Variants in PLCB1 observed in about 807,000 individuals in gnomAD.
PLCB1 encodes 1-phosphatidylinositol 4,5-bisphosphate phosphodiesterase beta-1.
PLCB1 carries 46 observed loss-of-function variants against 161.8 expected under a neutral mutation model. The observed-to-expected ratio is 0.28, with a 90% CI of 0.22 to 0.36. The LOEUF (loss-of-function observed/expected upper bound fraction) is 0.36. Ranked by LOEUF, PLCB1 falls within the 10% of genes least tolerant of loss-of-function variation. The pLI is 1.00. For synonymous variants in PLCB1, 517 were observed against 503.7 expected (o/e 1.03, Z -0.35); for missense variants, 1,016 against 1,472.5 (o/e 0.69, Z 5.07).
At chr20:8,417,067 ATATATATTT>A (rs1374870000) in intron 3 of PLCB1, among the ~76,000 whole-genome samples, 14 of 95,818 alleles carry the variant, frequency 1.5e-4, no homozygotes, top group African/African-American at 5.4e-4. Context: ...ATATATATAT[ATATATATTT>A]TTTTTTTTTT....
intron 15 of PLCB1, among the ~76,000 whole-genome samples, chr20:8,722,978 C>T (rs1049308307): frequency 3.3e-5 from 5 of 152,114 alleles, no homozygotes; most frequent in African/African-American, 1.2e-4. Flanking sequence ...ATGATCACAC[C>T]ACTGTGCTCC....
At position 8,634,305 on chromosome 20, in the gene PLCB1, A is replaced by C. The variant is rs1988692911; in HGVS notation, c.384+5874A>C. ...CGCTCTCTAAAAATATGTTATATAA[A>C]GTGAACATTAGTCTTTAATGTTTGT... On this transcript the variant is annotated intron_variant, in intron 4 of 31. Transcript: ENST00000338037. 2.0e-5 allele frequency among the ~76,000 whole-genome samples: 3 copies of C among 152,238 alleles called. No individual in the cohort carries two copies. In the South Asian group the frequency reaches 6.2e-4, roughly 32 times the overall value.
At chr20:8,532,024 C>T (rs1337712888) in intron 3 of PLCB1, among the ~76,000 whole-genome samples, 1 of 151,386 alleles carries the variant, frequency 6.6e-6, no homozygotes, top group Non-Finnish European at 1.5e-5. Flanking sequence ...AACCTAATAC[C>T]CAAAGCTTAA....
At chr20:8,137,086 G>C (rs916818813) in intron 1 of PLCB1, among the ~76,000 whole-genome samples, 1 of 152,158 alleles carries the variant, frequency 6.6e-6, no homozygotes, top group Non-Finnish European at 1.5e-5. Context: ...ATCTGGATTT[G>C]AATCAAGTAA....
chr20:8,651,715 A>C (rs1248115497), intron 7 of PLCB1: 3 of 475,180 alleles, frequency 6.3e-6, no homozygotes, highest in Admixed American at 3.4e-5. Flanking sequence ...TAAGCATGCC[A>C]ACAAATGCGT....
At chr20:8,216,910 T>A (rs998539348) in intron 2 of PLCB1, among the ~76,000 whole-genome samples, 1 of 152,118 alleles carries the variant, frequency 6.6e-6, no homozygotes, top group African/African-American at 2.4e-5. Context: ...ACCCACTTCT[T>A]TGACATGCCA....
Position 8,628,448 on chromosome 20 carries a change from T to C in PLCB1, c.384+17T>C, listed in dbSNP as rs1242548488. ...GTGGCCAAGGTATGGTGGATGGAAA[T>C]TGCTAAAGCTTATCATCATGATCTG... On this transcript the variant is annotated intron_variant, in intron 4 of 31. Coordinates refer to ENST00000338037, the MANE Select transcript of PLCB1 (RefSeq NM_015192.4). 5 of 1,613,376 alleles carry C rather than the reference T, an allele frequency of 3.1e-6. No homozygotes were observed. The Admixed American group carries it at 8.3e-5, about 27-fold the overall frequency.
At chr20:8,593,663 T>G (rs1190556603) in intron 3 of PLCB1, among the ~76,000 whole-genome samples, 1 of 152,162 alleles carries the variant, frequency 6.6e-6, no homozygotes, top group Non-Finnish European at 1.5e-5. Context: ...TATTTTTATT[T>G]TTTTAATGGG....
intron 7 of PLCB1, among the ~76,000 whole-genome samples, chr20:8,654,406 C>CA: frequency 6.6e-6 from 1 of 152,138 alleles, no homozygotes; most frequent in South Asian, 2.1e-4. Flanking sequence ...AAACAGAAGA[C>CA]CCAAGGTCTG....
intron 3 of PLCB1, among the ~76,000 whole-genome samples, chr20:8,511,212 C>T (rs952036980): frequency 6.6e-6 from 1 of 152,034 alleles, no homozygotes; most frequent in African/African-American, 2.4e-5. Context: ...TAAGTGAAAT[C>T]ATAACAGTAT....
In PLCB1 at chr20:8,132,678, C is replaced by T. The variant is rs774138539; in HGVS notation, c.27C>T (p.His9=). 1.9e-6 allele frequency: 3 copies of T among 1,612,428 alleles called. No homozygotes were observed. The highest frequency in any genetic ancestry group is 1.1e-5 in the South Asian group (1 of 90,966). MAGAQPGV[H]ALQLKPVCVS... Reference sequence around the variant, plus strand: ...TGGCCGGGGCTCAACCCGGAGTGCACGCCTTGCAACTCAAGCCCGTGTGCG... The same window carrying T: ...TGGCCGGGGCTCAACCCGGAGTGCATGCCTTGCAACTCAAGCCCGTGTGCG... The change falls in exon 1 of 32, where the codon CAC becomes CAT. Residue 9 remains histidine, a synonymous_variant. Coordinates refer to ENST00000338037, the MANE Select transcript of PLCB1 (RefSeq NM_015192.4). This position sits in a 1 kb window ranked among gnomAD's most constrained non-coding sequence, Gnocchi z 5.2.
chr20:8,791,602 A>G (rs1983759331), intron 31 of PLCB1, among the ~76,000 whole-genome samples: 2 of 152,160 alleles, frequency 1.3e-5, no homozygotes, highest in Admixed American at 6.5e-5. Context: ...TTGTATTTCA[A>G]AAAAATTTAG....
At chr20:8,420,605 C>T (rs939283395) in intron 3 of PLCB1, among the ~76,000 whole-genome samples, 48 of 152,162 alleles carry the variant, frequency 3.2e-4, no homozygotes, top group African/African-American at 1.1e-3. Context: ...TTAGCTCCCA[C>T]TCATAAGAGA....
intron 30 of PLCB1, 41 bp from the exon 31 acceptor site, chr20:8,790,134 A>G: frequency 7.1e-7 from 1 of 1,404,678 alleles, no homozygotes; most frequent in Non-Finnish European, 1.0e-6. Context: ...GCACTTTTAA[A>G]TGTTTAGATG....
At chr20:8,133,885 G>T (rs2051317358) in intron 1 of PLCB1, among the ~76,000 whole-genome samples, 1 of 152,144 alleles carries the variant, frequency 6.6e-6, no homozygotes, top group African/African-American at 2.4e-5. Context: ...ATCCTCTAGG[G>T]TATTTTTCTT....
At chr20:8,470,580 CTT>C (rs1982009008) in intron 3 of PLCB1, among the ~76,000 whole-genome samples, 1 of 152,100 alleles carries the variant, frequency 6.6e-6, no homozygotes, top group Admixed American at 6.6e-5. Flanking sequence ...AGGTCTCACT[CTT>C]AGTCCAGGCT....
intron 3 of PLCB1, among the ~76,000 whole-genome samples, chr20:8,548,794 GT>G (rs1985665988): frequency 6.6e-6 from 1 of 152,114 alleles, no homozygotes; most frequent in African/African-American, 2.4e-5. Context: ...CTAACTTTGT[GT>G]CTGACACAGG....
At chr20:8,357,782 A>G (rs1036942412) in intron 2 of PLCB1, among the ~76,000 whole-genome samples, 5 of 152,232 alleles carry the variant, frequency 3.3e-5, no homozygotes, top group African/African-American at 1.2e-4. Flanking sequence ...GAACTCTTGC[A>G]CTGTCAAATG....
intron 2 of PLCB1, among the ~76,000 whole-genome samples, chr20:8,348,116 G>A (rs959166010): frequency 2.0e-5 from 3 of 152,222 alleles, no homozygotes; most frequent in African/African-American, 7.2e-5. Flanking sequence ...TGGGGAAGAG[G>A]TGTTTGTAGT....
Sources: gnomAD v4.1 joint callset for allele counts (sites outside exome capture counted in the v4.1 genomes callset) on GRCh38, gnomAD v4.1.1 for gene constraint, Gnocchi (gnomAD v3.1) non-coding constraint, MANE v1.5 for transcripts, NCBI Gene and HGNC (gene_info 2026-07-23, HGNC 2026-07-21) for gene names.